The following DDX4 variants were observed in gnomAD, a reference collection of about 807,000 sequenced individuals.
DDX4 encodes the protein DEAD-box helicase 4.
In DDX4, 25 loss-of-function variants were observed where a neutral mutation model predicts 100.0. The observed-to-expected ratio is 0.25, with a 90% CI of 0.18 to 0.35. The LOEUF (loss-of-function observed/expected upper bound fraction) is 0.35, where lower values mean the gene tolerates loss of function less well. DDX4 is among the 10% of genes least tolerant of loss of function. The probability of loss-of-function intolerance (pLI) is 1.00; values close to 1 mark genes in which losing one functional copy is unlikely to be tolerated. For synonymous variants in DDX4, 259 were observed against 275.7 expected (o/e 0.94, Z 0.60); for missense variants, 635 against 882.4 (o/e 0.72, Z 3.55).
At chr5:55,775,992 A>AC (rs1741538077) in intron 7 of DDX4, among the ~76,000 whole-genome samples, 1 of 152,112 alleles carries the variant, frequency 6.6e-6, no homozygotes, top group South Asian at 2.1e-4. Context: ...GTGGTGGTGC[A>AC]GCCCTGTAGT....
chr5:55,791,315 G>T (rs757546124), intron 16 of DDX4, among the ~76,000 whole-genome samples: 1 of 152,104 alleles, frequency 6.6e-6, no homozygotes, highest in Non-Finnish European at 1.5e-5. Flanking sequence ...GTGCTTCTGA[G>T]TTAAGAGTCA....
At chr5:55,810,087 C>A (rs1744031352) in intron 18 of DDX4, among the ~76,000 whole-genome samples, 1 of 151,966 alleles carries the variant, frequency 6.6e-6, no homozygotes, top group South Asian at 2.1e-4. Context: ...ATACTTGAGA[C>A]CAGAAGTGCT....
At chr5:55,771,621 A>AT (rs889363968) in intron 7 of DDX4, among the ~76,000 whole-genome samples, 6 of 152,138 alleles carry the variant, frequency 3.9e-5, no homozygotes, top group Non-Finnish European at 8.8e-5. Context: ...GGCTATATAT[A>AT]TTTTTGGCTT....
rs1033027384 is a variant in DDX4 at position 55,763,253 on chromosome 5, G to T, written c.283+1G>T. 2 of 1,585,106 alleles carry T rather than the reference G, an allele frequency of 1.3e-6. No homozygotes were observed. On this transcript the variant is annotated splice_donor_variant, in intron 5 of 21. Transcript: ENST00000505374. LOFTEE classifies it high-confidence loss of function. ...GTTGGAAAGAGTTTTGGAAACAGAG[G>T]TAATTACTTGGTTATGATATCTTAC...
chr5:55,759,372 A>G (rs78091585), intron 3 of DDX4, among the ~76,000 whole-genome samples: 10,418 of 151,734 alleles, frequency 0.069, 555 homozygotes, highest in African/African-American at 0.15. Flanking sequence ...TGTGGGTTAT[A>G]TAGAAATGTT....
At chr5:55,810,534 G>GT (rs1289772086) in intron 18 of DDX4, among the ~76,000 whole-genome samples, 1 of 152,162 alleles carries the variant, frequency 6.6e-6, no homozygotes, top group Non-Finnish European at 1.5e-5. Flanking sequence ...TACTCAAAGA[G>GT]TTTGGGATTT....
chr5:55,792,915 A>G, intron 17 of DDX4, 108 bp downstream of exon 17: 2 of 648,392 alleles, frequency 3.1e-6, no homozygotes, highest in African/African-American at 3.8e-5. Flanking sequence ...TTAAGATTTT[A>G]ATATAGGTAG....
chr5:55,756,880 T>A (rs558358994), intron 3 of DDX4, among the ~76,000 whole-genome samples: 1 of 152,248 alleles, frequency 6.6e-6, no homozygotes, highest in Non-Finnish European at 1.5e-5. Context: ...TTTATTGCTA[T>A]GTATAATATG....
rs1580573328 is a variant in DDX4 at position 55,786,523 on chromosome 5, T to G, written c.870T>G (p.Phe290Leu). ...GHDAPPAILT[F>L]EEANLCQTLN... is the part of the protein sequence containing the mutation. ...GCTTTTTTTTAAATTTTCAGACTTT[T>G]GAAGAAGCTAATCTCTGTCAGACAC... is the stretch of plus-strand genomic sequence containing the variant. Residue 290 changes from phenylalanine (F) to leucine (L), a missense_variant, in exon 14 of 22, where the codon TTT (phenylalanine) becomes TTG (leucine). Phe to Leu is a conservative substitution (Grantham distance 22). Coordinates refer to ENST00000505374, the MANE Select transcript of DDX4 (RefSeq NM_024415.3). 6.2e-7 allele frequency: 1 copy of G among 1,610,912 alleles called. No individual in the cohort carries two copies. The highest frequency in any genetic ancestry group is 1.1e-5 in the South Asian group (1 of 90,838).
chr5:55,742,299 C>A, intron 2 of DDX4: 1 of 451,580 alleles, frequency 2.2e-6, no homozygotes. Flanking sequence ...AGCTGTGAGG[C>A]CTCTTGTTAA....
intron 7 of DDX4, among the ~76,000 whole-genome samples, chr5:55,774,943 G>T (rs968818725): frequency 5.3e-5 from 8 of 151,998 alleles, no homozygotes; most frequent in Non-Finnish European, 1.0e-4. Context: ...ATAATTTTTG[G>T]CATTAAGTGC....
rs182651808 is a variant in DDX4 at position 55,789,713 on chromosome 5, G to A, written c.1173-863G>A. On this transcript the variant is annotated intron_variant, in intron 15 of 21. Coordinates refer to ENST00000505374, the MANE Select transcript of DDX4 (RefSeq NM_024415.3). ...AAATTATTACAAATTTCAAGGCAGC[G>A]ACAACAGAGCATTAAATGAAACACG... Among the ~76,000 whole-genome samples, 57 of 152,222 alleles carry A rather than the reference G, an allele frequency of 3.7e-4. No individual in the cohort carries two copies. The East Asian group carries it at 7.5e-3, about 20-fold the overall frequency.
chr5:55,762,159 G>C (rs1740599596), intron 4 of DDX4, among the ~76,000 whole-genome samples: 2 of 152,248 alleles, frequency 1.3e-5, no homozygotes, highest in South Asian at 2.1e-4. Context: ...CCCTCTACAA[G>C]GGTTTTACAG....
At chr5:55,803,095 C>T (rs1444763557) in intron 18 of DDX4, among the ~76,000 whole-genome samples, 2 of 147,324 alleles carry the variant, frequency 1.4e-5, no homozygotes, top group Non-Finnish European at 3.0e-5. Flanking sequence ...CCATCCCTCC[C>T]GCCTCCCCCC....
intron 18 of DDX4, among the ~76,000 whole-genome samples, chr5:55,807,689 T>C (rs554376262): frequency 1.2e-3 from 186 of 152,334 alleles, no homozygotes; most frequent in African/African-American, 4.1e-3. Flanking sequence ...TGCCGAGAGA[T>C]CAGCTGTTAG....
At chr5:55,775,389 G>C (rs1305745795) in intron 7 of DDX4, among the ~76,000 whole-genome samples, 2 of 152,164 alleles carry the variant, frequency 1.3e-5, no homozygotes, top group Non-Finnish European at 2.9e-5. Context: ...CCGGGAGATG[G>C]AACTAGGTAA....
At chr5:55,762,098 A>G (rs1235400321) in intron 4 of DDX4, among the ~76,000 whole-genome samples, 1 of 152,228 alleles carries the variant, frequency 6.6e-6, no homozygotes, top group Non-Finnish European at 1.5e-5. Context: ...ATAGTTGGGC[A>G]TACACAATTT....
chr5:55,742,915 G>C (rs1305468045), intron 2 of DDX4, among the ~76,000 whole-genome samples: 1 of 152,072 alleles, frequency 6.6e-6, no homozygotes, highest in African/African-American at 2.4e-5. Context: ...GGAGAGGGAA[G>C]GCTTCTCTCA....
intron 17 of DDX4, among the ~76,000 whole-genome samples, chr5:55,795,808 G>A (rs1742897020): frequency 6.6e-6 from 1 of 152,132 alleles, no homozygotes; most frequent in African/African-American, 2.4e-5. Context: ...GGGTTCTCCA[G>A]AAGGACAGAA....
Sources: gnomAD v4.1 joint callset for allele counts (sites outside exome capture counted in the v4.1 genomes callset) on GRCh38, gnomAD v4.1.1 for gene constraint, MANE v1.5 for transcripts, NCBI Gene and HGNC (gene_info 2026-07-23, HGNC 2026-07-21) for gene names.